The following GRIN2A variants were observed in gnomAD, a reference collection of about 807,000 sequenced individuals.
The protein encoded by GRIN2A is glutamate receptor ionotropic, NMDA 2A.
In GRIN2A, 22 loss-of-function variants were observed where a neutral mutation model predicts 113.4. That is an observed-to-expected ratio of 0.19 (90% CI 0.14 to 0.28). The LOEUF is 0.28. Ranked by LOEUF, GRIN2A falls within the 10% of genes least tolerant of loss-of-function variation. GRIN2A has a pLI of 1.00. For synonymous variants in GRIN2A, 827 were observed against 738.4 expected (o/e 1.12, Z -1.94); for missense variants, 1,502 against 1,887.0 (o/e 0.80, Z 3.78).
At chr16:9,932,395 A>G (rs2044614380) in intron 3 of GRIN2A, among the ~76,000 whole-genome samples, 1 of 151,990 alleles carries the variant, frequency 6.6e-6, no homozygotes, top group South Asian at 2.1e-4. Flanking sequence ...TTTTTTTGAG[A>G]GACTGGGTCT....
chr16:10,166,693 A>T (rs2049932044), intron 2 of GRIN2A, among the ~76,000 whole-genome samples: 2 of 152,196 alleles, frequency 1.3e-5, no homozygotes. Flanking sequence ...CAAAGCCAAG[A>T]AATGTATGAA....
intron 2 of GRIN2A, among the ~76,000 whole-genome samples, chr16:9,950,754 C>T (rs944102793): frequency 1.3e-5 from 2 of 152,184 alleles, no homozygotes; most frequent in South Asian, 2.1e-4. Flanking sequence ...ACAGGCTACC[C>T]GTGTTGCCTT....
chr16:10,164,237 G>A (rs2049861704), intron 2 of GRIN2A, among the ~76,000 whole-genome samples: 3 of 152,218 alleles, frequency 2.0e-5, no homozygotes, highest in South Asian at 2.1e-4. Context: ...CTGGCAAGTC[G>A]AGGCCGTGGC....
intron 3 of GRIN2A, among the ~76,000 whole-genome samples, chr16:9,891,335 T>C (rs1387151539): frequency 1.3e-5 from 2 of 152,222 alleles, no homozygotes. Context: ...TCCTGCCAGA[T>C]TCATAGACCT....
chr16:9,814,638 T>G (rs191305194), intron 10 of GRIN2A, among the ~76,000 whole-genome samples: 10 of 152,280 alleles, frequency 6.6e-5, no homozygotes, highest in African/African-American at 2.4e-4. Flanking sequence ...GTTTAGTCAC[T>G]ACAGAACTCC....
intron 4 of GRIN2A, among the ~76,000 whole-genome samples, chr16:9,867,351 T>C (rs1596517399): frequency 1.3e-5 from 2 of 152,182 alleles, no homozygotes; most frequent in East Asian, 3.9e-4. Flanking sequence ...CCCACAAGAC[T>C]GCAAAGCTGC....
intron 2 of GRIN2A, among the ~76,000 whole-genome samples, chr16:10,178,395 C>T (rs2050193266): frequency 6.6e-6 from 1 of 152,230 alleles, no homozygotes; most frequent in Non-Finnish European, 1.5e-5. Flanking sequence ...AGCTACCTAG[C>T]TACATCAGCC....
intron 2 of GRIN2A, among the ~76,000 whole-genome samples, chr16:10,143,329 G>A (rs935101256): frequency 1.3e-5 from 2 of 152,120 alleles, no homozygotes; most frequent in African/African-American, 4.8e-5. Context: ...CATTTTAGAT[G>A]GTGCAGGGAT....
intron 2 of GRIN2A, among the ~76,000 whole-genome samples, chr16:10,168,740 T>C (rs551996423): frequency 6.6e-6 from 1 of 152,034 alleles, no homozygotes; most frequent in African/African-American, 2.4e-5. Flanking sequence ...CCAAAGCGGG[T>C]GGATCACCTG....
chr16:9,959,718 A>C (rs2045393438), intron 2 of GRIN2A, among the ~76,000 whole-genome samples: 1 of 152,244 alleles, frequency 6.6e-6, no homozygotes, highest in South Asian at 2.1e-4. Context: ...TCACGCCTGT[A>C]ATCCTAACAC....
chr16:9,944,870 T>A (rs1322264250), intron 2 of GRIN2A, among the ~76,000 whole-genome samples: 1 of 152,208 alleles, frequency 6.6e-6, no homozygotes, highest in African/African-American at 2.4e-5. Context: ...CCGTGGATTG[T>A]CTTTCATTCA....
intron 2 of GRIN2A, among the ~76,000 whole-genome samples, chr16:10,168,536 C>T (rs2049970010): frequency 6.6e-6 from 1 of 152,184 alleles, no homozygotes; most frequent in Admixed American, 6.6e-5. Context: ...CACCTCATTC[C>T]TGAGGGACAG....
intron 11 of GRIN2A, among the ~76,000 whole-genome samples, chr16:9,786,338 C>T (rs1217906824): frequency 6.6e-6 from 1 of 152,064 alleles, no homozygotes; most frequent in Non-Finnish European, 1.5e-5. Context: ...CTTAGTTTTC[C>T]CCAAACTGGC....
chr16:9,902,755 C>A (rs2043953680), intron 3 of GRIN2A, among the ~76,000 whole-genome samples: 1 of 151,990 alleles, frequency 6.6e-6, no homozygotes, highest in Non-Finnish European at 1.5e-5. Flanking sequence ...TCTTCCCCTA[C>A]TCCCATGAAT....
At chr16:9,813,697 C>T (rs1369493279) in intron 10 of GRIN2A, among the ~76,000 whole-genome samples, 9 of 147,644 alleles carry the variant, frequency 6.1e-5, no homozygotes, top group African/African-American at 1.0e-4. Context: ...CCCACCCCCC[C>T]GCAAAAAAAA....
chr16:9,864,337 C>G (rs2043124757), intron 4 of GRIN2A, among the ~76,000 whole-genome samples: 1 of 152,028 alleles, frequency 6.6e-6, no homozygotes, highest in Admixed American at 6.6e-5. Context: ...GCTGAAAAAG[C>G]CTTTTATTTA....
At chr16:9,765,042 C>T (rs986076568) in intron 12 of GRIN2A, 94 bp from the exon 13 acceptor site, 3 of 1,528,752 alleles carry the variant, frequency 2.0e-6, no homozygotes, top group Non-Finnish European at 2.7e-6. Flanking sequence ...GTGAGATTTG[C>T]ACTTCTTGCA....
intron 2 of GRIN2A, among the ~76,000 whole-genome samples, chr16:10,163,766 C>A (rs894615372): frequency 4.6e-5 from 7 of 152,088 alleles, no homozygotes; most frequent in Non-Finnish European, 1.0e-4. Flanking sequence ...TTTGAGTATT[C>A]CTCACAGCTG....
intron 2 of GRIN2A, among the ~76,000 whole-genome samples, chr16:10,021,241 C>T (rs991956984): frequency 6.6e-6 from 1 of 152,206 alleles, no homozygotes; most frequent in East Asian, 1.9e-4. Flanking sequence ...AATGAATGGA[C>T]TGGTCAATGA....
Sources: gnomAD v4.1 joint callset for allele counts (sites outside exome capture counted in the v4.1 genomes callset) on GRCh38, gnomAD v4.1.1 for gene constraint, MANE v1.5 for transcripts, NCBI Gene and HGNC (gene_info 2026-07-23, HGNC 2026-07-21) for gene names.